Variants in LUZP2 observed in about 807,000 individuals in gnomAD.
The protein encoded by LUZP2 is leucine zipper protein 2.
A neutral mutation model predicts 51.6 loss-of-function variants in LUZP2; 52 were observed. The observed-to-expected ratio is 1.01, with a 90% confidence interval of 0.81 to 1.27. The LOEUF (loss-of-function observed/expected upper bound fraction) is 1.27. Ranked by LOEUF, LUZP2 falls within the 50% of genes most tolerant of loss-of-function variation. LUZP2 has a pLI of 0.00. For synonymous variants in LUZP2, 154 were observed against 137.3 expected, an observed-to-expected ratio of 1.12 and a Z score of -0.85; for missense variants, 436 against 395.4, an observed-to-expected ratio of 1.10 and a Z score of -0.87.
chr11:24,765,921 C>G (rs921082917), intron 5 of LUZP2, among the ~76,000 whole-genome samples: 10 of 151,990 alleles, frequency 6.6e-5, no homozygotes, highest in African/African-American at 2.4e-4. Context: ...CTACCGCACC[C>G]GGCCAATTTT....
chr11:25,011,637 T>C (rs2133958757), intron 9 of LUZP2, among the ~76,000 whole-genome samples: 1 of 152,216 alleles, frequency 6.6e-6, no homozygotes, highest in Admixed American at 6.5e-5. Flanking sequence ...TTATGGATGG[T>C]GGTACAATGA....
At chr11:24,837,941 G>A (rs1210939361) in intron 5 of LUZP2, among the ~76,000 whole-genome samples, 1 of 151,600 alleles carries the variant, frequency 6.6e-6, no homozygotes, top group Non-Finnish European at 1.5e-5. Flanking sequence ...TTTCACAAAT[G>A]GTTGCATGAT....
At chr11:25,029,650 T>C (rs556997931) in intron 9 of LUZP2, among the ~76,000 whole-genome samples, 10 of 149,662 alleles carry the variant, frequency 6.7e-5, no homozygotes, top group Admixed American at 2.0e-4. Context: ...GGCAGGAGAA[T>C]CATTTGAACC....
chr11:24,947,365 A>G (rs193154186), intron 7 of LUZP2, among the ~76,000 whole-genome samples: 39 of 151,984 alleles, frequency 2.6e-4, no homozygotes, highest in African/African-American at 8.4e-4. Context: ...AGAGGCAGAT[A>G]TGGAAGAGGA....
At chr11:25,043,342 C>A (rs1207331106) in intron 9 of LUZP2, among the ~76,000 whole-genome samples, 1 of 152,012 alleles carries the variant, frequency 6.6e-6, no homozygotes, top group African/African-American at 2.4e-5. Context: ...AGTGGTCAAT[C>A]TTTTTTTAAT....
intron 1 of LUZP2, among the ~76,000 whole-genome samples, chr11:24,637,166 G>A (rs181185280): frequency 1.3e-4 from 20 of 151,886 alleles, no homozygotes; most frequent in Middle Eastern, 3.4e-3. Context: ...TAAAATTGTT[G>A]TGGGAAGTCA....
chr11:24,504,375 G>T (rs79662838), intron 1 of LUZP2, among the ~76,000 whole-genome samples: 9,708 of 152,190 alleles, frequency 0.064, 328 homozygotes, highest in Middle Eastern at 0.11. Context: ...CACAGTTTGT[G>T]TGATGATGTA....
chr11:24,948,814 A>AAAC (rs1854978178), intron 7 of LUZP2, among the ~76,000 whole-genome samples: 1 of 64,532 alleles, frequency 1.5e-5, no homozygotes, highest in Non-Finnish European at 4.9e-5. Flanking sequence ...CTATCTATCT[A>AAAC]TCTATCTATC....
chr11:24,566,351 G>GAC (rs1852219218), intron 1 of LUZP2, among the ~76,000 whole-genome samples: 1 of 132,046 alleles, frequency 7.6e-6, no homozygotes, highest in African/African-American at 2.8e-5. Flanking sequence ...TTTTTTTTGA[G>GAC]ACGTAGTCTC....
At chr11:24,915,807 T>C (rs1031819248) in intron 7 of LUZP2, among the ~76,000 whole-genome samples, 1 of 151,412 alleles carries the variant, frequency 6.6e-6, no homozygotes, top group Non-Finnish European at 1.5e-5. Context: ...AAAAAAATGG[T>C]AAAAACCACA....
chr11:24,995,928 T>A (rs1336558930), intron 9 of LUZP2, among the ~76,000 whole-genome samples: 2 of 151,854 alleles, frequency 1.3e-5, no homozygotes, highest in Non-Finnish European at 2.9e-5. Flanking sequence ...CCAATCTTTT[T>A]TTTCTACATT....
At position 24,749,934 on chromosome 11, in the gene LUZP2, G is replaced by A. The variant is rs568690051; in HGVS notation, c.333+11632G>A. On this transcript the variant is annotated intron_variant, in intron 4 of 11. Coordinates refer to ENST00000336930, the MANE Select transcript of LUZP2 (RefSeq NM_001009909.4). ...CCCAGCTTTCAGATGGCCTATCATG[G>A]GACTTCGCCTTGTGATCCTGTAAGC... is the stretch of plus-strand genomic sequence containing the variant. Among the ~76,000 whole-genome samples the A allele has an allele frequency of 5.9e-5, 9 of 152,200 alleles. No homozygotes were observed. In the South Asian group the frequency reaches 1.7e-3, roughly 28 times the overall value.
chr11:24,742,075 A>ATATATATC lies in LUZP2; in HGVS notation c.333+3774_333+3775insATATATCT, dbSNP rs1325427290. 2.1e-5 allele frequency among the ~76,000 whole-genome samples: 3 copies of ATATATATC among 140,636 alleles called. 1 individual carries two copies. The highest frequency in any genetic ancestry group is 2.0e-4 in the East Asian group (1 of 5,078). The allele number at this position is 140,636 out of a possible 152,430, so 92.3% of individuals were successfully genotyped here. On this transcript the variant is annotated intron_variant, in intron 4 of 11. Transcript: ENST00000336930. Reference sequence around the variant, plus strand: ...AATATAATTATATATATATATATATATCACCATTTCTTTATCCACTTGTTG... The same window carrying ATATATATC: ...AATATAATTATATATATATATATATATATATATCTCACCATTTCTTTATCCACTTGTTG...
intron 1 of LUZP2, among the ~76,000 whole-genome samples, chr11:24,618,317 C>T (rs1215449829): frequency 6.6e-6 from 1 of 152,216 alleles, no homozygotes; most frequent in Non-Finnish European, 1.5e-5. Context: ...AGGTTATCAG[C>T]TCCCATAGGG....
At chr11:25,019,573 A>G (rs923425535) in intron 9 of LUZP2, among the ~76,000 whole-genome samples, 2 of 152,150 alleles carry the variant, frequency 1.3e-5, no homozygotes, top group Non-Finnish European at 2.9e-5. Context: ...CCAAAACAAT[A>G]AAGTCTGCAA....
At chr11:24,618,642 A>G (rs1323979009) in intron 1 of LUZP2, among the ~76,000 whole-genome samples, 1 of 152,190 alleles carries the variant, frequency 6.6e-6, no homozygotes, top group Non-Finnish European at 1.5e-5. Context: ...GATACATGAG[A>G]CAAAAAGAAA....
intron 1 of LUZP2, among the ~76,000 whole-genome samples, chr11:24,575,839 C>A (rs1852627588): frequency 6.6e-6 from 1 of 152,060 alleles, no homozygotes; most frequent in Non-Finnish European, 1.5e-5. Context: ...CTCTGCAATG[C>A]TGCATCCCTT....
chr11:24,862,096 A>C (rs1357263724), intron 5 of LUZP2, among the ~76,000 whole-genome samples: 1 of 152,048 alleles, frequency 6.6e-6, no homozygotes, highest in Non-Finnish European at 1.5e-5. Context: ...ACACATAATC[A>C]TCAGATTCTC....
At chr11:25,024,433 A>G (rs1277341819) in intron 9 of LUZP2, among the ~76,000 whole-genome samples, 2 of 152,190 alleles carry the variant, frequency 1.3e-5, no homozygotes, top group East Asian at 3.9e-4. Context: ...GAAGCTGATA[A>G]GCAACTTCAG....
Sources: allele counts gnomAD v4.1 joint callset (sites outside exome capture counted in the v4.1 genomes callset), GRCh38; gene constraint gnomAD v4.1.1; transcripts MANE v1.5; gene names NCBI Gene and HGNC (gene_info 2026-07-23, HGNC 2026-07-21).